RCL1: variants seen among roughly 807,000 people sequenced by gnomAD.
RCL1 encodes the protein RNA 3'-terminal phosphate cyclase-like protein.
RCL1 carries 24 observed loss-of-function variants against 42.4 expected under a neutral mutation model. The observed-to-expected ratio is 0.57, with a 90% CI of 0.41 to 0.80. The LOEUF (loss-of-function observed/expected upper bound fraction) is 0.80. Ranked by LOEUF, RCL1 falls within the 30% of genes least tolerant of loss-of-function variation. The pLI, the probability that RCL1 is intolerant of heterozygous loss-of-function variation, is 0.00. For missense variants in RCL1, 578 were observed against 467.9 expected, an observed-to-expected ratio of 1.24 and a Z score of -2.17; for synonymous variants, 228 against 177.3, an observed-to-expected ratio of 1.29 and a Z score of -2.27.
At position 4,827,749 on chromosome 9, in the gene RCL1, T is replaced by C. The variant is rs1464584732; in HGVS notation, c.384+716T>C. ...AGGATGAAGTGTGTGTGTGTGTGTG[T>C]GTGTGTGCACGCGTGTGTGTGTGTG... On this transcript the variant is annotated intron_variant, in intron 3 of 8. Coordinates refer to ENST00000381750, the MANE Select transcript of RCL1 (RefSeq NM_005772.5). Among the ~76,000 whole-genome samples the C allele has an allele frequency of 5.2e-4, 62 of 118,772 alleles. 1 individual carries two copies. Among genetic ancestry groups the C allele is most frequent in the Admixed American group, 3.9e-4 (4 of 10,206 alleles). 77.9% of individuals were successfully genotyped at this position (118,772 alleles called of 152,430 possible).
At chr9:4,843,960 C>G (rs937018408) in intron 6 of RCL1, among the ~76,000 whole-genome samples, 4 of 152,200 alleles carry the variant, frequency 2.6e-5, no homozygotes, top group Non-Finnish European at 5.9e-5. Flanking sequence ...GGGTAACTCA[C>G]TGCACCCCCT....
intron 2 of RCL1, among the ~76,000 whole-genome samples, chr9:4,824,023 G>A (rs1176743939): frequency 2.0e-5 from 3 of 152,140 alleles, no homozygotes; most frequent in Non-Finnish European, 4.4e-5. Context: ...ATTTAAGGAA[G>A]TTAGAAGACT....
At chr9:4,852,768 A>C (rs1220272719) in intron 8 of RCL1, among the ~76,000 whole-genome samples, 9 of 51,320 alleles carry the variant, frequency 1.8e-4, no homozygotes, top group Non-Finnish European at 2.9e-4. Context: ...TGGTCAGGTC[A>C]CTTTTTTTTT....
intron 1 of RCL1, among the ~76,000 whole-genome samples, chr9:4,822,083 C>T (rs1299833996): frequency 1.3e-5 from 2 of 152,232 alleles, no homozygotes; most frequent in Admixed American, 1.3e-4. Flanking sequence ...TTATTTGTTT[C>T]AGGATTTAAT....
chr9:4,854,945 C>T (rs189113524), intron 8 of RCL1, among the ~76,000 whole-genome samples: 169 of 150,660 alleles, frequency 1.1e-3, no homozygotes, highest in African/African-American at 4.0e-3. Flanking sequence ...CCCAGCTACT[C>T]GGGAGGCTGA....
intron 1 of RCL1, among the ~76,000 whole-genome samples, chr9:4,795,924 G>A (rs75408179): frequency 0.022 from 3,313 of 152,234 alleles, 120 homozygotes; most frequent in African/African-American, 0.076. Flanking sequence ...TGAGTAACTT[G>A]AAGTAGGAAG....
At chr9:4,833,332 G>A (rs1817014037) in intron 4 of RCL1, 104 bp downstream of exon 4, 3 of 847,900 alleles carry the variant, frequency 3.5e-6, no homozygotes, top group Non-Finnish European at 6.0e-6. Flanking sequence ...CACATTTGAA[G>A]TCACCAGTTA....
chr9:4,803,015 CTT>C (rs763759057), intron 1 of RCL1, among the ~76,000 whole-genome samples: 8 of 142,016 alleles, frequency 5.6e-5, no homozygotes, highest in Non-Finnish European at 6.2e-5. Context: ...TTCCTTTTTC[CTT>C]TTTTTTTTTT....
intron 3 of RCL1, among the ~76,000 whole-genome samples, chr9:4,830,428 A>G (rs1816907655): frequency 6.6e-6 from 1 of 152,098 alleles, no homozygotes; most frequent in Non-Finnish European, 1.5e-5. Flanking sequence ...AACAGAGGTG[A>G]TGGAATGAGC....
At chr9:4,851,057 A>G (rs537996752) in intron 8 of RCL1, among the ~76,000 whole-genome samples, 58 of 152,184 alleles carry the variant, frequency 3.8e-4, no homozygotes, top group South Asian at 6.2e-4. Context: ...AGATTTTTCA[A>G]TTTGGCTCCA....
At chr9:4,818,323 T>C (rs752313471) in intron 1 of RCL1, among the ~76,000 whole-genome samples, 4 of 151,676 alleles carry the variant, frequency 2.6e-5, no homozygotes, top group Non-Finnish European at 5.9e-5. Context: ...ATGGTCTGCA[T>C]TTTTTTTTCT....
intron 1 of RCL1, among the ~76,000 whole-genome samples, chr9:4,793,679 A>C (rs1213584805): frequency 6.6e-6 from 1 of 152,236 alleles, no homozygotes; most frequent in Non-Finnish European, 1.5e-5. Context: ...AGCAGTTCTC[A>C]GAAGCAGCTG....
At chr9:4,827,083 A>G (rs1816789707) in intron 3 of RCL1, 50 bp downstream of exon 3, 1 of 1,612,556 alleles carries the variant, frequency 6.2e-7, no homozygotes, top group Non-Finnish European at 8.5e-7. Context: ...GTCTCTTGTC[A>G]CAACCCAACT....
chr9:4,859,490 C>T (rs1238131050), intron 8 of RCL1, among the ~76,000 whole-genome samples: 6 of 151,912 alleles, frequency 3.9e-5, no homozygotes, highest in African/African-American at 7.3e-5. Flanking sequence ...TTCCCAGCAC[C>T]AAGAACAGTG....
At chr9:4,800,377 G>C (rs1008404785) in intron 1 of RCL1, among the ~76,000 whole-genome samples, 1 of 151,948 alleles carries the variant, frequency 6.6e-6, no homozygotes, top group African/African-American at 2.4e-5. Flanking sequence ...ACCATGCCCA[G>C]ATAATTTTTG....
intron 4 of RCL1, 92 bp downstream of exon 4, chr9:4,833,320 G>A (rs547800693): frequency 3.2e-6 from 3 of 950,308 alleles, no homozygotes; most frequent in Non-Finnish European, 5.1e-6. Flanking sequence ...GTGTATGTGT[G>A]TCACATTTGA....
At chr9:4,794,786 C>G (rs1432141950) in intron 1 of RCL1, among the ~76,000 whole-genome samples, 2 of 152,100 alleles carry the variant, frequency 1.3e-5, no homozygotes, top group African/African-American at 2.4e-5. Context: ...TCCTTCTCCC[C>G]CTCCACTGTA....
chr9:4,819,694 C>G (rs543950902), intron 1 of RCL1, among the ~76,000 whole-genome samples: 52 of 152,300 alleles, frequency 3.4e-4, no homozygotes, highest in Admixed American at 1.6e-3. Flanking sequence ...GTAGTCCCAG[C>G]TACTCGGGAG....
intron 8 of RCL1, among the ~76,000 whole-genome samples, chr9:4,857,262 C>A (rs1817992791): frequency 6.6e-6 from 1 of 152,142 alleles, no homozygotes; most frequent in Non-Finnish European, 1.5e-5. Flanking sequence ...CCATTCTTCC[C>A]ACTCTCCCCA....
Sources: gnomAD v4.1 joint callset for allele counts (sites outside exome capture counted in the v4.1 genomes callset) on GRCh38, gnomAD v4.1.1 for gene constraint, MANE v1.5 for transcripts, NCBI Gene and HGNC (gene_info 2026-07-23, HGNC 2026-07-21) for gene names.